The following SEZ6L variants were observed in gnomAD, a reference collection of about 807,000 sequenced individuals.
SEZ6L encodes the protein seizure related 6 homolog like, also known as seizure 6-like protein.
Under a neutral mutation model 106.2 loss-of-function variants are expected in SEZ6L, and 37 were observed. The observed-to-expected ratio is 0.35, with a 90% confidence interval of 0.27 to 0.46. SEZ6L has a LOEUF of 0.46. Ranked by LOEUF, SEZ6L falls within the 20% of genes least tolerant of loss-of-function variation. SEZ6L has a pLI of 1.00. For synonymous variants in SEZ6L, 541 were observed against 570.4 expected, an observed-to-expected ratio of 0.95 and a Z score of 0.73; for missense variants, 1,172 against 1,332.8, an observed-to-expected ratio of 0.88 and a Z score of 1.88.
chr22:26,261,896 T>G (rs1390347774), intron 1 of SEZ6L, among the ~76,000 whole-genome samples: 1 of 151,506 alleles, frequency 6.6e-6, no homozygotes, highest in Non-Finnish European at 1.5e-5. Context: ...AAGGAGGAGG[T>G]GGGATTGGTC....
intron 1 of SEZ6L, among the ~76,000 whole-genome samples, chr22:26,278,007 C>T (rs564957023): frequency 5.8e-4 from 88 of 152,226 alleles, no homozygotes; most frequent in South Asian, 5.2e-3. Context: ...AAGAGAGAGG[C>T]ATTGATTGAT....
rs116906183 is a variant in SEZ6L at position 26,381,665 on chromosome 22, C to T, written c.*1370C>T. 941 of 159,528 alleles carry T rather than the reference C, an allele frequency of 5.9e-3. 9 individuals carry two copies. Among genetic ancestry groups the T allele is most frequent in the Non-Finnish European group, 8.3e-3 (603 of 72,230 alleles). 9.9% of individuals were successfully genotyped at this position (159,528 alleles called of 1,614,324 possible). On this transcript the variant is annotated 3_prime_UTR_variant, in exon 17 of 17. Transcript: ENST00000248933. ...TCTGTTTTCCCCCAACCCAGTGAAA[C>T]CGGTGAGTGTGTAACTCTTGGGAAG...
chr22:26,319,282 A>G (rs549906706), intron 9 of SEZ6L, among the ~76,000 whole-genome samples: 1 of 152,238 alleles, frequency 6.6e-6, no homozygotes, highest in African/African-American at 2.4e-5. Context: ...GGTTATTGCA[A>G]CGGCCTTTGA....
intron 9 of SEZ6L, among the ~76,000 whole-genome samples, chr22:26,321,239 T>C (rs2145944122): frequency 6.6e-6 from 1 of 152,222 alleles, no homozygotes; most frequent in South Asian, 2.1e-4. Context: ...AGGCTCGGGG[T>C]GGTGGGAGAG....
chr22:26,249,302 C>T (rs925542695), intron 1 of SEZ6L, among the ~76,000 whole-genome samples: 1 of 152,118 alleles, frequency 6.6e-6, no homozygotes, highest in African/African-American at 2.4e-5. Flanking sequence ...ATCCACTAAC[C>T]AACCTCTCCT....
intron 14 of SEZ6L, 92 bp from the exon 15 acceptor site, chr22:26,375,483 C>A: frequency 1.0e-6 from 1 of 968,608 alleles, no homozygotes; most frequent in Non-Finnish European, 1.6e-6. Flanking sequence ...CCTTGGAAAG[C>A]CGTCTCCAAA....
chr22:26,357,250 A>G (rs1318776177), intron 12 of SEZ6L, among the ~76,000 whole-genome samples: 1 of 152,106 alleles, frequency 6.6e-6, no homozygotes, highest in Non-Finnish European at 1.5e-5. Flanking sequence ...CGGCCCTCAG[A>G]ACTTTTTTTA....
chr22:26,232,466 C>A (rs1173426106), intron 1 of SEZ6L, among the ~76,000 whole-genome samples: 3 of 151,934 alleles, frequency 2.0e-5, no homozygotes, highest in Non-Finnish European at 4.4e-5. Flanking sequence ...GACTATGTGA[C>A]TTTGTACAAA....
intron 7 of SEZ6L, 48 bp from the exon 8 acceptor site, chr22:26,311,720 G>T (rs374876982): frequency 1.3e-6 from 2 of 1,518,058 alleles, no homozygotes; most frequent in Non-Finnish European, 9.1e-7. Flanking sequence ...AGCACCGTGG[G>T]GTAGTCCCTG....
At chr22:26,283,454 T>C (rs1270894773) in intron 1 of SEZ6L, among the ~76,000 whole-genome samples, 9 of 152,126 alleles carry the variant, frequency 5.9e-5, no homozygotes, top group African/African-American at 2.2e-4. Context: ...AAGTACAAAG[T>C]TGGTGGTAGA....
chr22:26,294,853 T>C (rs1190617750), intron 3 of SEZ6L, among the ~76,000 whole-genome samples: 2 of 150,110 alleles, frequency 1.3e-5, no homozygotes, highest in African/African-American at 4.9e-5. Context: ...CTTCCTGCTT[T>C]CTTGCTTCTT....
At chr22:26,224,832 C>A (rs2078589511) in intron 1 of SEZ6L, among the ~76,000 whole-genome samples, 1 of 152,112 alleles carries the variant, frequency 6.6e-6, no homozygotes, top group African/African-American at 2.4e-5. Context: ...TCAGCTATTG[C>A]CACGATAATG....
intron 1 of SEZ6L, among the ~76,000 whole-genome samples, chr22:26,274,313 GATATAGGACCTTGC>G (rs1194910805): frequency 2.0e-5 from 3 of 151,832 alleles, no homozygotes; most frequent in East Asian, 1.9e-4. Context: ...TAGGACCTTG[GATATAGGACCTTGC>G]ATATAGAACC....
At chr22:26,200,732 T>C (rs893775281) in intron 1 of SEZ6L, among the ~76,000 whole-genome samples, 8 of 152,214 alleles carry the variant, frequency 5.3e-5, no homozygotes, top group African/African-American at 1.9e-4. Context: ...AGGACTTCTC[T>C]CATCATGCCT....
intron 12 of SEZ6L, among the ~76,000 whole-genome samples, chr22:26,363,211 C>T (rs4822712): frequency 0.7 from 106,168 of 152,114 alleles, 37,460 homozygotes; most frequent in East Asian, 0.96. Flanking sequence ...ATCTCCTAAT[C>T]TGTGAAAGCT....
At chr22:26,359,047 G>A (rs1294822062) in intron 12 of SEZ6L, among the ~76,000 whole-genome samples, 2 of 152,208 alleles carry the variant, frequency 1.3e-5, no homozygotes, top group East Asian at 3.8e-4. Context: ...GAAAAAAATG[G>A]AGTATGGAGA....
intron 9 of SEZ6L, among the ~76,000 whole-genome samples, chr22:26,338,698 T>C (rs2082721906): frequency 6.6e-6 from 1 of 152,106 alleles, no homozygotes; most frequent in South Asian, 2.1e-4. Context: ...TAGCTGGAAC[T>C]ACAGGCATCT....
chr22:26,246,521 C>T (rs1259945706), intron 1 of SEZ6L, among the ~76,000 whole-genome samples: 1 of 152,012 alleles, frequency 6.6e-6, no homozygotes, highest in Non-Finnish European at 1.5e-5. Flanking sequence ...CCATTTTTCC[C>T]CTCTAACTCC....
At chr22:26,218,981 G>A (rs567975369) in intron 1 of SEZ6L, among the ~76,000 whole-genome samples, 2 of 152,216 alleles carry the variant, frequency 1.3e-5, no homozygotes, top group South Asian at 2.1e-4. Context: ...AAAGAAAAAA[G>A]TAAAGTAAGC....
Sources: allele counts gnomAD v4.1 joint callset (sites outside exome capture counted in the v4.1 genomes callset), GRCh38; gene constraint gnomAD v4.1.1; transcripts MANE v1.5; gene names NCBI Gene and HGNC (gene_info 2026-07-23, HGNC 2026-07-21).